The following CACNA2D3 variants were observed in gnomAD, a reference collection of about 807,000 sequenced individuals.
CACNA2D3 encodes the protein calcium voltage-gated channel auxiliary subunit alpha2delta 3.
CACNA2D3 carries 60 observed loss-of-function variants against 160.6 expected under a neutral mutation model. The ratio of observed to expected loss-of-function variants is 0.37; its 90% CI spans 0.30 to 0.46. The LOEUF is 0.46. Among genes scored for constraint, CACNA2D3 ranks in the 20% least tolerant of loss-of-function variants. The probability of loss-of-function intolerance (pLI) is 1.00; values close to 1 mark genes in which losing one functional copy is unlikely to be tolerated. For missense variants in CACNA2D3, 1,205 were observed against 1,365.0 expected, an observed-to-expected ratio of 0.88 and a Z score of 1.85; for synonymous variants, 558 against 492.9, an observed-to-expected ratio of 1.13 and a Z score of -1.75.
intron 3 of CACNA2D3, among the ~76,000 whole-genome samples, chr3:54,359,634 C>T (rs1017311530): frequency 2.0e-5 from 3 of 152,166 alleles, no homozygotes; most frequent in South Asian, 2.1e-4. Context: ...CATGGTCAAA[C>T]GTATTTGAGA....
chr3:54,781,621 ACAATC>A (rs1010704746), intron 13 of CACNA2D3, among the ~76,000 whole-genome samples: 34 of 152,372 alleles, frequency 2.2e-4, no homozygotes, highest in African/African-American at 8.2e-4. Flanking sequence ...CTTGCAGTGA[ACAATC>A]CAAGCCAATT....
intron 9 of CACNA2D3, among the ~76,000 whole-genome samples, chr3:54,609,288 AC>A (rs2106786261): frequency 6.6e-6 from 1 of 152,308 alleles, no homozygotes; most frequent in African/African-American, 2.4e-5. Context: ...CGACACCTTC[AC>A]CTTAGACTTC....
intron 2 of CACNA2D3, among the ~76,000 whole-genome samples, chr3:54,160,369 G>A (rs981177169): frequency 2.0e-5 from 3 of 152,142 alleles, no homozygotes; most frequent in Admixed American, 1.3e-4. Flanking sequence ...GTGTGGTGGC[G>A]GGCGCCTGTA....
chr3:54,885,649 C>A, intron 23 of CACNA2D3, 63 bp downstream of exon 23: 2 of 1,283,648 alleles, frequency 1.6e-6, no homozygotes, highest in Non-Finnish European at 2.2e-6. Flanking sequence ...GAACTCAAAA[C>A]ATTTTTTGGC....
chr3:54,364,865 T>A (rs1698802867), intron 3 of CACNA2D3, among the ~76,000 whole-genome samples: 1 of 152,240 alleles, frequency 6.6e-6, no homozygotes, highest in Non-Finnish European at 1.5e-5. Flanking sequence ...ATTTAGCTTT[T>A]TGAAGCGTTG....
At chr3:54,763,287 A>C (rs1702117206) in intron 12 of CACNA2D3, among the ~76,000 whole-genome samples, 1 of 152,090 alleles carries the variant, frequency 6.6e-6, no homozygotes, top group South Asian at 2.1e-4. Context: ...GATGCCTGAG[A>C]GAACATAGGC....
intron 4 of CACNA2D3, among the ~76,000 whole-genome samples, chr3:54,441,717 A>G (rs1032787542): frequency 2.6e-5 from 4 of 152,234 alleles, no homozygotes; most frequent in African/African-American, 9.6e-5. Context: ...ATCATTAAAC[A>G]AATGTGTTCT....
chr3:54,736,028 T>A (rs1290646903), intron 11 of CACNA2D3, among the ~76,000 whole-genome samples: 4 of 51,436 alleles, frequency 7.8e-5, no homozygotes, highest in Admixed American at 5.6e-4. Context: ...CACATACATA[T>A]ATATATGTAT....
rs1559556791 is a variant in CACNA2D3 at position 54,715,311 on chromosome 3, A to C, written c.1168-37288A>C. Among the ~76,000 whole-genome samples the C allele has an allele frequency of 2.0e-5, 3 of 152,184 alleles. No homozygotes were observed. In the South Asian group the frequency reaches 6.2e-4, roughly 32 times the overall value. ...CAACAGCCAGATGGTAGAGATGCAC[A>C]GGGCAAGGTATGGGAGAAGGGGCAC... On this transcript the variant is annotated intron_variant, in intron 11 of 37. Transcript: ENST00000474759.
At chr3:54,628,018 G>T in intron 10 of CACNA2D3, 142 bp downstream of exon 10, 3 of 651,790 alleles carry the variant, frequency 4.6e-6, no homozygotes, top group Non-Finnish European at 8.3e-6. Flanking sequence ...GGATCATGAG[G>T]TCAGGAGATC....
intron 2 of CACNA2D3, among the ~76,000 whole-genome samples, chr3:54,224,112 A>G (rs1701624604): frequency 6.6e-6 from 1 of 152,210 alleles, no homozygotes; most frequent in Non-Finnish European, 1.5e-5. Context: ...AGCCTAAGCC[A>G]ACATGGGGTC....
intron 35 of CACNA2D3, among the ~76,000 whole-genome samples, chr3:55,051,609 T>C (rs539086645): frequency 2.6e-5 from 4 of 152,056 alleles, no homozygotes; most frequent in African/African-American, 9.7e-5. Context: ...CAGGCAGGCC[T>C]CCTTGAGCTG....
intron 4 of CACNA2D3, among the ~76,000 whole-genome samples, chr3:54,387,158 A>T (rs1007225301): frequency 6.6e-6 from 1 of 152,220 alleles, no homozygotes; most frequent in African/African-American, 2.4e-5. Context: ...CAATACTGTG[A>T]TGGATCTATC....
At chr3:54,797,832 T>TA (rs1197365293) in intron 13 of CACNA2D3, among the ~76,000 whole-genome samples, 5 of 152,142 alleles carry the variant, frequency 3.3e-5, no homozygotes, top group African/African-American at 1.2e-4. Context: ...CTCTTACATC[T>TA]AAAAACCTGT....
At chr3:54,313,618 G>A (rs1351089319) in intron 2 of CACNA2D3, among the ~76,000 whole-genome samples, 5 of 151,962 alleles carry the variant, frequency 3.3e-5, no homozygotes, top group Admixed American at 1.3e-4. Flanking sequence ...TCATCCAACC[G>A]TGGCCATCCA....
chr3:54,546,851 G>A (rs1227842773), intron 5 of CACNA2D3, among the ~76,000 whole-genome samples: 1 of 152,172 alleles, frequency 6.6e-6, no homozygotes, highest in East Asian at 1.9e-4. Context: ...TTAATTAAAA[G>A]ACTCCCATTT....
At chr3:54,640,698 AC>A (rs1482643220) in intron 10 of CACNA2D3, among the ~76,000 whole-genome samples, 1 of 152,178 alleles carries the variant, frequency 6.6e-6, no homozygotes, top group East Asian at 1.9e-4. Flanking sequence ...TTTGAAATGA[AC>A]CCTTATTAAG....
chr3:54,273,883 A>C (rs1463703037), intron 2 of CACNA2D3, among the ~76,000 whole-genome samples: 1 of 152,206 alleles, frequency 6.6e-6, no homozygotes, highest in Admixed American at 6.5e-5. Flanking sequence ...TCTCTAGGGC[A>C]ACTAGGATTT....
intron 12 of CACNA2D3, among the ~76,000 whole-genome samples, chr3:54,755,944 A>G (rs1269246691): frequency 2.0e-5 from 3 of 152,158 alleles, no homozygotes; most frequent in African/African-American, 7.2e-5. Context: ...AAAATTACTG[A>G]AATTGAAGTC....
Sources: gnomAD v4.1 joint callset for allele counts (sites outside exome capture counted in the v4.1 genomes callset) on GRCh38, gnomAD v4.1.1 for gene constraint, MANE v1.5 for transcripts, NCBI Gene and HGNC (gene_info 2026-07-23, HGNC 2026-07-21) for gene names.